Variants in STPG2 observed in about 807,000 individuals in gnomAD.
STPG2 encodes sperm tail PG-rich repeat containing 2, also known as sperm-tail PG-rich repeat-containing protein 2.
A neutral mutation model predicts 54.2 loss-of-function variants in STPG2; 56 were observed. The observed-to-expected ratio is 1.03, with a 90% confidence interval of 0.83 to 1.29. STPG2 has a LOEUF of 1.29. STPG2 is among the 50% of genes most tolerant of loss of function. STPG2 has a pLI of 0.00. For missense variants in STPG2, 596 were observed against 544.9 expected, an observed-to-expected ratio of 1.09 and a Z score of -0.93; for synonymous variants, 200 against 181.8, an observed-to-expected ratio of 1.10 and a Z score of -0.81.
At chr4:98,059,892 T>A (rs773247637) in intron 5 of STPG2, among the ~76,000 whole-genome samples, 5 of 152,068 alleles carry the variant, frequency 3.3e-5, no homozygotes, top group African/African-American at 4.8e-5. Context: ...CTCAATAAAC[T>A]AGATATTGAA....
intron 9 of STPG2, among the ~76,000 whole-genome samples, chr4:97,743,639 G>A (rs991005873): frequency 1.3e-5 from 2 of 151,590 alleles, no homozygotes; most frequent in Admixed American, 6.6e-5. Flanking sequence ...TTGTGCTAGA[G>A]GGGATACAAA....
intron 4 of STPG2, among the ~76,000 whole-genome samples, chr4:97,471,585 C>G (rs1275482796): frequency 6.6e-6 from 1 of 151,930 alleles, no homozygotes; most frequent in Non-Finnish European, 1.5e-5. Flanking sequence ...TGAGAAGGTG[C>G]CTGAGGGACC....
chr4:98,049,604 T>C (rs1281037256), intron 5 of STPG2, among the ~76,000 whole-genome samples: 1 of 152,222 alleles, frequency 6.6e-6, no homozygotes, highest in Admixed American at 6.5e-5. Context: ...AGCAACAATT[T>C]ATCTTTTGAA....
chr4:97,941,585 A>G, intron 8 of STPG2, among the ~76,000 whole-genome samples: 1 of 152,118 alleles, frequency 6.6e-6, no homozygotes, highest in East Asian at 1.9e-4. Context: ...ATATGAAACC[A>G]GAAGTCTGGA....
intron 8 of STPG2, among the ~76,000 whole-genome samples, chr4:97,919,386 GT>G (rs1176357668): frequency 6.6e-6 from 1 of 150,996 alleles, no homozygotes; most frequent in African/African-American, 2.4e-5. Context: ...ACAGTCAAAA[GT>G]TTTTCTTTAA....
intron 10 of STPG2, among the ~76,000 whole-genome samples, chr4:97,569,625 A>G (rs1732547808): frequency 6.6e-6 from 1 of 152,152 alleles, no homozygotes; most frequent in Non-Finnish European, 1.5e-5. Flanking sequence ...TTAACAAGTA[A>G]AGTAGAAGGG....
intron 10 of STPG2, among the ~76,000 whole-genome samples, chr4:97,586,534 C>T (rs892851020): frequency 2.0e-5 from 3 of 151,872 alleles, no homozygotes; most frequent in Admixed American, 1.3e-4. Context: ...CTTAATCAAA[C>T]TTTTGAAAAT....
chr4:98,026,139 A>G, intron 5 of STPG2: 1 of 1,467,116 alleles, frequency 6.8e-7, no homozygotes, highest in Non-Finnish European at 9.4e-7. Context: ...GTCTATGAAA[A>G]GAAGCCCAAG....
chr4:97,897,797 G>C (rs992094503), intron 8 of STPG2, among the ~76,000 whole-genome samples: 1 of 152,104 alleles, frequency 6.6e-6, no homozygotes, highest in Non-Finnish European at 1.5e-5. Context: ...TATAGATGCT[G>C]GATATTAGAC....
At chr4:97,692,036 C>A (rs1001026096) in intron 10 of STPG2, among the ~76,000 whole-genome samples, 2 of 152,058 alleles carry the variant, frequency 1.3e-5, no homozygotes, top group African/African-American at 4.8e-5. Flanking sequence ...TGAACAGCAG[C>A]CCTCAAGTCC....
At chr4:97,623,533 G>T (rs1734066181) in intron 10 of STPG2, among the ~76,000 whole-genome samples, 2 of 152,098 alleles carry the variant, frequency 1.3e-5, no homozygotes, top group Admixed American at 1.3e-4. Context: ...TTAAAGAAAT[G>T]CAAATCATAA....
At chr4:97,948,947 A>C (rs1274304212) in intron 7 of STPG2, among the ~76,000 whole-genome samples, 1 of 151,950 alleles carries the variant, frequency 6.6e-6, no homozygotes, top group Middle Eastern at 3.2e-3. Flanking sequence ...TAGAGTGTTT[A>C]AGACCATTGT....
rs1032841741 is a variant in STPG2 at position 97,981,470 on chromosome 4, C to A, written c.613-152G>T. On this transcript the variant is annotated intron_variant, in intron 5 of 10. Transcript: ENST00000295268. The stretch of plus-strand genomic sequence containing the variant: ...ATGTAGATGAACTAAGATCTTGTAC[C>A]CATCAAAACATAAAATATATAGCTT... 3.9e-5 allele frequency: 29 copies of A among 752,924 alleles called. No homozygotes were observed. In the South Asian group the frequency reaches 5.5e-4, roughly 14 times the overall value. 46.6% of individuals were successfully genotyped at this position (752,924 alleles called of 1,614,324 possible).
rs566411338 is a variant in STPG2 at position 98,079,540 on chromosome 4, C to A, written c.612+26413G>T. 4.1e-4 allele frequency among the ~76,000 whole-genome samples: 63 copies of A among 152,256 alleles called. No homozygotes were observed. In the South Asian group the frequency reaches 0.012, roughly 30 times the overall value. On this transcript the variant is annotated intron_variant, in intron 5 of 10. Coordinates refer to ENST00000295268, the MANE Select transcript of STPG2 (RefSeq NM_174952.3). ...TACTCATTTGTCCTACCAAGAAATT[C>A]TTTTCACTTTCACTTACATACTCAC...
At chr4:98,087,802 C>T (rs1266866910) in intron 5 of STPG2, among the ~76,000 whole-genome samples, 1 of 152,012 alleles carries the variant, frequency 6.6e-6, no homozygotes, top group African/African-American at 2.4e-5. Flanking sequence ...CCTTGTGATC[C>T]GCCCGCCTCG....
At chr4:97,788,260 ACT>A (rs1390099359) in intron 9 of STPG2, among the ~76,000 whole-genome samples, 1 of 151,360 alleles carries the variant, frequency 6.6e-6, no homozygotes, top group Non-Finnish European at 1.5e-5. Context: ...CCATCATTCT[ACT>A]CTCTATTTCT....
chr4:97,583,732 A>G (rs1413889353), intron 10 of STPG2, among the ~76,000 whole-genome samples: 1 of 151,966 alleles, frequency 6.6e-6, no homozygotes, highest in South Asian at 2.1e-4. Flanking sequence ...AGCTATTTTT[A>G]TATCAGATTA....
chr4:97,909,006 A>G (rs1731567527), intron 8 of STPG2, among the ~76,000 whole-genome samples: 1 of 117,832 alleles, frequency 8.5e-6, no homozygotes, highest in East Asian at 2.8e-4. Context: ...CCTAAAACTT[A>G]AAGTATAATA....
At chr4:98,111,192 C>A (rs1433411475) in intron 3 of STPG2, among the ~76,000 whole-genome samples, 2 of 151,776 alleles carry the variant, frequency 1.3e-5, no homozygotes, top group African/African-American at 2.4e-5. Flanking sequence ...TCTTAACATC[C>A]CCAGAACCAG....
Sources: allele counts gnomAD v4.1 joint callset (sites outside exome capture counted in the v4.1 genomes callset), GRCh38; gene constraint gnomAD v4.1.1; transcripts MANE v1.5; gene names NCBI Gene and HGNC (gene_info 2026-07-23, HGNC 2026-07-21).